The following PPM1B variants were observed in gnomAD, a reference collection of about 807,000 sequenced individuals.
PPM1B encodes protein phosphatase 1B.
A neutral mutation model predicts 43.0 loss-of-function variants in PPM1B; 22 were observed. The ratio of observed to expected loss-of-function variants is 0.51; its 90% CI spans 0.37 to 0.73. The LOEUF is 0.73. Among genes scored for constraint, PPM1B ranks in the 30% least tolerant of loss-of-function variants. PPM1B has a pLI of 0.00. For missense variants in PPM1B, 632 were observed against 584.2 expected (o/e 1.08, Z -0.84); for synonymous variants, 217 against 197.9 (o/e 1.10, Z -0.81).
At chr2:44,229,806 A>G (rs916086634) in intron 5 of PPM1B, among the ~76,000 whole-genome samples, 1 of 152,206 alleles carries the variant, frequency 6.6e-6, no homozygotes, top group African/African-American at 2.4e-5. Flanking sequence ...AAAATTCACT[A>G]AAATATGAAA....
At chr2:44,199,497 TGATTTA>T (rs1668831199) in intron 1 of PPM1B, among the ~76,000 whole-genome samples, 1 of 152,054 alleles carries the variant, frequency 6.6e-6, no homozygotes, top group Non-Finnish European at 1.5e-5. Flanking sequence ...GAAAGAAAAG[TGATTTA>T]GTAAATACAG....
chr2:44,235,486 C>T (rs1365490658), downstream of PPM1B, among the ~76,000 whole-genome samples: 3 of 151,770 alleles, frequency 2.0e-5, no homozygotes, highest in Admixed American at 2.0e-4. Flanking sequence ...GCCCGTAATC[C>T]CAGCTACTCG....
intron 1 of PPM1B, among the ~76,000 whole-genome samples, chr2:44,183,719 A>G (rs182801926): frequency 7.2e-5 from 11 of 152,228 alleles, no homozygotes; most frequent in Admixed American, 7.2e-4. Flanking sequence ...ATTGGACTGC[A>G]TGATTTGGTA....
At chr2:44,173,919 G>C (rs1282293338) in intron 1 of PPM1B, among the ~76,000 whole-genome samples, 1 of 152,136 alleles carries the variant, frequency 6.6e-6, no homozygotes, top group East Asian at 1.9e-4. Context: ...CTCCAGATTG[G>C]GCGAAAGAGT....
downstream of PPM1B, chr2:44,232,324 A>G: frequency 6.2e-7 from 1 of 1,606,042 alleles, no homozygotes; most frequent in Non-Finnish European, 8.5e-7. Context: ...AGGGTGCTGG[A>G]GATCTAGAAG....
At chr2:44,210,215 ATTT>A (rs11322876) in intron 3 of PPM1B, among the ~76,000 whole-genome samples, 23 of 136,220 alleles carry the variant, frequency 1.7e-4, no homozygotes, top group African/African-American at 2.0e-4. Flanking sequence ...TTGGCAATAA[ATTT>A]TTTTTTTTTT....
chr2:44,201,634 C>T lies in PPM1B; in HGVS notation c.435C>T (p.Tyr145=). Residue 145 remains tyrosine (Y), a synonymous_variant, in exon 2 of 6, where the codon TAC becomes TAT. Transcript: ENST00000282412. This position sits in a 1 kb window ranked among gnomAD's most constrained non-coding sequence, Gnocchi z 5.4. ...VGVMISPKHI[Y]FINCGDSRAV... is the part of the protein sequence containing the mutation. Reference sequence around the variant, plus strand: ...TTATGATTTCACCTAAGCATATCTACTTTATCAACTGTGGTGATTCACGTG... The same window carrying T: ...TTATGATTTCACCTAAGCATATCTATTTTATCAACTGTGGTGATTCACGTG... 6.2e-7 allele frequency: 1 copy of T among 1,614,186 alleles called. No homozygotes were observed.
chr2:44,218,921 G>A lies in PPM1B; in HGVS notation c.1134+384G>A, dbSNP rs578061342. On this transcript the variant is annotated intron_variant, in intron 5 of 5. Transcript: ENST00000282412. ...CATCACCAGAAGTTAGTGATAGTGAGTGAGTTGTTATTTTAATAACTAGAC... is the reference window on the plus strand; with the variant it reads ...CATCACCAGAAGTTAGTGATAGTGAATGAGTTGTTATTTTAATAACTAGAC... 21 of 460,326 alleles carry A rather than the reference G, an allele frequency of 4.6e-5. No homozygotes were observed. The East Asian group carries it at 1.2e-3, about 27-fold the overall frequency. The allele number at this position is 460,326 out of a possible 1,614,324, so 28.5% of individuals were successfully genotyped here.
Position 44,230,858 on chromosome 2 carries a change from A to T in PPM1B, c.*140A>T. On this transcript the variant is annotated 3_prime_UTR_variant, in exon 6 of 6. Coordinates refer to ENST00000282412, the MANE Select transcript of PPM1B (RefSeq NM_002706.6). ...TATTCAGATAGCCTTGTTTTTTAAA[A>T]AGGCCTTTGCATACACCTTTATGAG... The T allele has an allele frequency of 7.0e-7, 1 of 1,423,686 alleles. No homozygotes were observed. The highest frequency in any genetic ancestry group is 9.2e-7 in the Non-Finnish European group (1 of 1,081,282). 88.2% of individuals were successfully genotyped at this position (1,423,686 alleles called of 1,614,324 possible). A position where few individuals can be genotyped will look rare whatever the true frequency, so the allele number is the denominator to read the frequency against.
At chr2:44,196,193 G>A (rs1437684206) in intron 1 of PPM1B, among the ~76,000 whole-genome samples, 2 of 152,164 alleles carry the variant, frequency 1.3e-5, no homozygotes, top group Admixed American at 6.5e-5. Context: ...CATTAAGGAT[G>A]TACCACGTTA....
At position 44,218,465 on chromosome 2, in the gene PPM1B, GT is replaced by G. The variant is rs371826554; in HGVS notation, c.1077-3del. ...GTGTAATTTAATAAAACTAAAGCATGTTTTTTTTTTTTAGGCGTAATGTTAT... is the reference window on the plus strand; with the variant it reads ...GTGTAATTTAATAAAACTAAAGCATGTTTTTTTTTTTAGGCGTAATGTTAT... On this transcript the variant is annotated splice_polypyrimidine_tract_variant and intron_variant, in intron 4 of 5. Transcript: ENST00000282412. The G allele has an allele frequency of 0.069, 72,242 of 1,048,492 alleles. 92 individuals carry two copies. Among genetic ancestry groups the G allele is most frequent in the South Asian group, 0.15 (8,945 of 60,722 alleles). The allele number at this position is 1,048,492 out of a possible 1,614,324, so 64.9% of individuals were successfully genotyped here.
In PPM1B at chr2:44,201,731, G is replaced by C. The variant is rs140652763; in HGVS notation, c.532G>C (p.Glu178Gln). ...DHKPCNPREK[E>Q]RIQNAGGSVM... is the part of the protein sequence containing the mutation. ...CAAACCTTGCAATCCAAGGGAAAAGGAGCGAATCCAAAATGCAGGAGGCAG... is the reference window on the plus strand; with the variant it reads ...CAAACCTTGCAATCCAAGGGAAAAGCAGCGAATCCAAAATGCAGGAGGCAG... The change falls in exon 2 of 6, where the codon GAG becomes CAG. Residue 178 changes from glutamate to glutamine, a missense_variant. Physicochemically the swap from Glu to Gln is conservative, Grantham distance 29 (BLOSUM62 2). Transcript: ENST00000282412. This position sits in a 1 kb window ranked among gnomAD's most constrained non-coding sequence, Gnocchi z 5.4. The C allele has an allele frequency of 1.2e-6, 2 of 1,614,156 alleles. No individual in the cohort carries two copies. The highest frequency in any genetic ancestry group is 1.7e-6 in the Non-Finnish European group (2 of 1,180,006).
intron 1 of PPM1B, among the ~76,000 whole-genome samples, chr2:44,191,033 T>C (rs1668381501): frequency 6.6e-6 from 1 of 152,194 alleles, no homozygotes; most frequent in African/African-American, 2.4e-5. Flanking sequence ...TTGCTTCAAA[T>C]TGATCTCAGA....
At chr2:44,180,387 G>A (rs936961009) in intron 1 of PPM1B, among the ~76,000 whole-genome samples, 7 of 152,158 alleles carry the variant, frequency 4.6e-5, no homozygotes, top group Admixed American at 2.6e-4. Context: ...TTAGTGTGTC[G>A]TCTGTCCACA....
At chr2:44,180,011 A>C (rs1186209037) in intron 1 of PPM1B, among the ~76,000 whole-genome samples, 5 of 91,052 alleles carry the variant, frequency 5.5e-5, no homozygotes, top group South Asian at 4.2e-4. Flanking sequence ...CTTCGTTCCA[A>C]AAAAAAAAAA....
intron 1 of PPM1B, among the ~76,000 whole-genome samples, chr2:44,200,101 T>G (rs1042358586): frequency 2.0e-5 from 3 of 152,356 alleles, no homozygotes; most frequent in Non-Finnish European, 4.4e-5. Flanking sequence ...GGAGTCTGCA[T>G]TTTGAGCAGA....
At chr2:44,193,854 C>G in intron 1 of PPM1B, among the ~76,000 whole-genome samples, 1 of 152,116 alleles carries the variant, frequency 6.6e-6, no homozygotes. Context: ...GCTGGGATTA[C>G]AGGCGTGAGC....
At chr2:44,215,191 A>G (rs958118193) in intron 3 of PPM1B, among the ~76,000 whole-genome samples, 1 of 152,246 alleles carries the variant, frequency 6.6e-6, no homozygotes, top group Non-Finnish European at 1.5e-5. Flanking sequence ...GGTACTTAAA[A>G]TGTAACTTCA....
At position 44,168,996 on chromosome 2, in the gene PPM1B, G is replaced by A. The variant is rs1399656050; in HGVS notation, c.-293G>A. On this transcript the variant is annotated 5_prime_UTR_variant, in exon 1 of 6. Transcript: ENST00000282412. The stretch of plus-strand genomic sequence containing the variant: ...GCGCGGCTGGAGTCTCTGATTCTCA[G>A]GGTTCGGTGGTTGGAAGATGCTCCA... 3 of 156,328 alleles carry A rather than the reference G, an allele frequency of 1.9e-5. No homozygotes were observed. Among genetic ancestry groups the A allele is most frequent in the East Asian group, 3.8e-4 (2 of 5,226 alleles). 9.7% of individuals were successfully genotyped at this position (156,328 alleles called of 1,614,324 possible). A position where few individuals can be genotyped will look rare whatever the true frequency, so the allele number is the denominator to read the frequency against.
Sources: gnomAD v4.1 joint callset for allele counts (sites outside exome capture counted in the v4.1 genomes callset) on GRCh38, gnomAD v4.1.1 for gene constraint, Gnocchi (gnomAD v3.1) non-coding constraint, MANE v1.5 for transcripts, NCBI Gene and HGNC (gene_info 2026-07-23, HGNC 2026-07-21) for gene names.